FTO: variants seen among roughly 807,000 people sequenced by gnomAD.
The protein encoded by FTO is alpha-ketoglutarate-dependent dioxygenase FTO.
In FTO, 47 loss-of-function variants were observed where a neutral mutation model predicts 63.9. That is an observed-to-expected ratio of 0.74 (90% CI 0.58 to 0.94). The LOEUF (loss-of-function observed/expected upper bound fraction) is 0.94, where lower values mean the gene tolerates loss of function less well. FTO is among the 40% of genes least tolerant of loss of function. FTO has a pLI of 0.00. For missense variants in FTO, 562 were observed against 618.1 expected (o/e 0.91, Z 0.96); for synonymous variants, 207 against 224.4 (o/e 0.92, Z 0.69).
At chr16:53,860,018 C>T (rs1023682974) in intron 4 of FTO, among the ~76,000 whole-genome samples, 8 of 152,138 alleles carry the variant, frequency 5.3e-5, no homozygotes, top group African/African-American at 1.9e-4. Context: ...TCACAAAAGC[C>T]ATGATTTAGA....
At chr16:54,083,146 A>T (rs2144519070) in intron 8 of FTO, among the ~76,000 whole-genome samples, 1 of 152,284 alleles carries the variant, frequency 6.6e-6, no homozygotes, top group Middle Eastern at 3.4e-3. Flanking sequence ...AGCAGACTTT[A>T]TTACAGATAA....
chr16:53,798,304 T>G (rs961658769), intron 1 of FTO, among the ~76,000 whole-genome samples: 1 of 152,148 alleles, frequency 6.6e-6, no homozygotes, highest in Non-Finnish European at 1.5e-5. Context: ...CGTTTCTAAG[T>G]GAATTTTAGA....
chr16:53,800,237 G>A (rs995079282), intron 1 of FTO, among the ~76,000 whole-genome samples: 7 of 151,686 alleles, frequency 4.6e-5, no homozygotes, highest in East Asian at 1.9e-4. Context: ...CTCATTTCTC[G>A]ATTGTTTTCT....
intron 8 of FTO, among the ~76,000 whole-genome samples, chr16:53,954,450 A>G (rs760979451): frequency 9.2e-5 from 14 of 152,252 alleles, no homozygotes; most frequent in African/African-American, 1.7e-4. Context: ...TACCTTGACT[A>G]TTCCTGAAAC....
chr16:53,891,046 G>A (rs9937290), intron 7 of FTO, among the ~76,000 whole-genome samples: 10,120 of 150,770 alleles, frequency 0.067, 1,061 homozygotes, highest in African/African-American at 0.23. Flanking sequence ...GCTGGAGTGC[G>A]ATGGCGCGAT....
intron 1 of FTO, among the ~76,000 whole-genome samples, chr16:53,718,089 A>C (rs1437205169): frequency 2.0e-5 from 3 of 152,062 alleles, no homozygotes; most frequent in Admixed American, 2.0e-4. Flanking sequence ...TATTGCATTA[A>C]ATTTATACAT....
intron 1 of FTO, among the ~76,000 whole-genome samples, chr16:53,705,950 T>A (rs574943399): frequency 2.8e-4 from 42 of 152,034 alleles, no homozygotes; most frequent in Non-Finnish European, 5.7e-4. Context: ...TGTGAGGGAG[T>A]TACTAGTGTC....
intron 4 of FTO, among the ~76,000 whole-genome samples, chr16:53,862,041 G>A (rs2151855848): frequency 6.6e-6 from 1 of 152,204 alleles, no homozygotes; most frequent in East Asian, 1.9e-4. Context: ...CAGGAGGTCA[G>A]GATTTCAAGA....
chr16:54,024,000 G>A (rs1339129176), intron 8 of FTO, among the ~76,000 whole-genome samples: 1 of 152,066 alleles, frequency 6.6e-6, no homozygotes, highest in Non-Finnish European at 1.5e-5. Flanking sequence ...ATAATGCGTT[G>A]TTTATATACT....
chr16:53,724,593 A>G (rs888860808), intron 1 of FTO, among the ~76,000 whole-genome samples: 3 of 152,240 alleles, frequency 2.0e-5, no homozygotes, highest in Admixed American at 6.5e-5. Context: ...TTGAATGTTC[A>G]TGGGAAACTG....
intron 1 of FTO, among the ~76,000 whole-genome samples, chr16:53,721,099 C>T (rs1017978599): frequency 7.9e-5 from 12 of 152,166 alleles, no homozygotes; most frequent in African/African-American, 2.9e-4. Flanking sequence ...CTGAGACCTA[C>T]TTTTCAAACA....
chr16:53,931,393 G>A (rs1225263287), intron 7 of FTO, among the ~76,000 whole-genome samples: 2 of 141,742 alleles, frequency 1.4e-5, no homozygotes, highest in Non-Finnish European at 3.0e-5. Flanking sequence ...TGCAACCTCC[G>A]CCTCCTGGGT....
rs535239638 is a variant in FTO, at chr16:53,923,874, C to T, written c.1240-10111C>T. ...CAGCGGTCGCCCACATGACTGTCCCCGAGAGTTTCTGCAGTGGCAGGCAGG... is the reference window on the plus strand; with the variant it reads ...CAGCGGTCGCCCACATGACTGTCCCTGAGAGTTTCTGCAGTGGCAGGCAGG... On this transcript the variant is annotated intron_variant, in intron 7 of 8. Coordinates refer to ENST00000471389, the MANE Select transcript of FTO (RefSeq NM_001080432.3). 1.2e-4 allele frequency among the ~76,000 whole-genome samples: 19 copies of T among 152,060 alleles called. No homozygotes were observed. The South Asian group carries it at 2.5e-3, about 20-fold the overall frequency.
intron 3 of FTO, among the ~76,000 whole-genome samples, chr16:53,839,787 A>G (rs1290642408): frequency 1.5e-4 from 11 of 74,406 alleles, no homozygotes; most frequent in Non-Finnish European, 1.9e-4. Context: ...TTATTTATTT[A>G]TTTATTTATT....
chr16:53,907,449 G>A (rs1205357154), intron 7 of FTO, among the ~76,000 whole-genome samples: 6 of 152,152 alleles, frequency 3.9e-5, no homozygotes, highest in East Asian at 1.9e-4. Context: ...GCCCAGCATC[G>A]TGAGAGAGTA....
At chr16:53,946,591 T>TC (rs1031455234) in intron 8 of FTO, among the ~76,000 whole-genome samples, 32 of 152,334 alleles carry the variant, frequency 2.1e-4, no homozygotes, top group African/African-American at 7.0e-4. Context: ...ATATTTTTTT[T>TC]CACTGAAAAA....
chr16:54,031,935 G>A (rs1441193061), intron 8 of FTO, among the ~76,000 whole-genome samples: 15 of 152,106 alleles, frequency 9.9e-5, no homozygotes, highest in Admixed American at 9.2e-4. Context: ...TATGAGAGTG[G>A]GAATAAGGTA....
chr16:54,064,335 T>C (rs2144406908), intron 8 of FTO, among the ~76,000 whole-genome samples: 1 of 152,362 alleles, frequency 6.6e-6, no homozygotes, highest in Non-Finnish European at 1.5e-5. Flanking sequence ...AGTTTATCAT[T>C]TTGTGAGACT....
At chr16:53,777,889 C>G (rs2077498267) in intron 1 of FTO, among the ~76,000 whole-genome samples, 1 of 152,102 alleles carries the variant, frequency 6.6e-6, no homozygotes, top group Non-Finnish European at 1.5e-5. Flanking sequence ...TGTCAGTCAG[C>G]TATTTTTTCA....
Sources: gnomAD v4.1 joint callset for allele counts (sites outside exome capture counted in the v4.1 genomes callset) on GRCh38, gnomAD v4.1.1 for gene constraint, MANE v1.5 for transcripts, NCBI Gene and HGNC (gene_info 2026-07-23, HGNC 2026-07-21) for gene names.